PTPN14: variants seen among roughly 807,000 people sequenced by gnomAD.
PTPN14 encodes the protein protein tyrosine phosphatase non-receptor type 14.
Under a neutral mutation model 126.8 loss-of-function variants are expected in PTPN14, and 53 were observed. The observed-to-expected ratio is 0.42, with a 90% CI of 0.34 to 0.53. The LOEUF is 0.53. PTPN14 is among the 20% of genes least tolerant of loss of function. PTPN14 has a pLI of 0.08. For missense variants in PTPN14, 1,257 were observed against 1,552.9 expected (o/e 0.81, Z 3.20); for synonymous variants, 630 against 599.3 (o/e 1.05, Z -0.75).
At chr1:214,424,313 T>G (rs1330388247) in intron 3 of PTPN14, among the ~76,000 whole-genome samples, 1 of 146,770 alleles carries the variant, frequency 6.8e-6, no homozygotes. Context: ...AAAATCAGAG[T>G]ACCACACAAG....
rs141647748 is a variant in PTPN14, at chr1:214,535,454, A to G, written c.-155+15729T>C. The stretch of plus-strand genomic sequence containing the variant: ...GTCAGATTATAAAGAAGGCAACTGT[A>G]AAAAACAGACAAAAGCAAGAGTTAG... On this transcript the variant is annotated intron_variant, in intron 1 of 18. Coordinates refer to ENST00000366956, the MANE Select transcript of PTPN14 (RefSeq NM_005401.5). Among the ~76,000 whole-genome samples the G allele has an allele frequency of 4.0e-4, 61 of 152,322 alleles. 1 individual carries two copies. Among genetic ancestry groups the G allele is most frequent in the African/African-American group, 1.4e-3 (58 of 41,580 alleles).
At chr1:214,410,819 T>C (rs1220090707) in intron 5 of PTPN14, among the ~76,000 whole-genome samples, 2 of 151,930 alleles carry the variant, frequency 1.3e-5, no homozygotes, top group Non-Finnish European at 2.9e-5. Flanking sequence ...ATTGTGCCTA[T>C]TTTTTTGCTA....
At chr1:214,526,791 G>A (rs780352768) in intron 1 of PTPN14, among the ~76,000 whole-genome samples, 20 of 152,110 alleles carry the variant, frequency 1.3e-4, no homozygotes, top group Non-Finnish European at 2.8e-4. Flanking sequence ...AAGTCATGAA[G>A]TGGTAAAGAG....
intron 1 of PTPN14, among the ~76,000 whole-genome samples, chr1:214,538,947 C>G (rs750640535): frequency 6.6e-6 from 1 of 152,124 alleles, no homozygotes. Flanking sequence ...AAACTAAATG[C>G]CTACTGCTCT....
At chr1:214,433,065 G>A (rs1170091402) in intron 3 of PTPN14, among the ~76,000 whole-genome samples, 14 of 152,038 alleles carry the variant, frequency 9.2e-5, no homozygotes, top group African/African-American at 2.7e-4. Flanking sequence ...CACCACGCCC[G>A]GCTATTTTTT....
chr1:214,509,908 T>C (rs891943160), intron 1 of PTPN14, among the ~76,000 whole-genome samples: 6 of 152,206 alleles, frequency 3.9e-5, no homozygotes, highest in Admixed American at 2.0e-4. Context: ...AAACACCACA[T>C]GTTCTCACTC....
intron 1 of PTPN14, among the ~76,000 whole-genome samples, chr1:214,537,859 T>C (rs534284060): frequency 3.5e-4 from 54 of 152,348 alleles, no homozygotes; most frequent in African/African-American, 1.3e-3. Flanking sequence ...TTGATTCCCT[T>C]GTAGTCACAT....
At chr1:214,535,605 C>T (rs533967839) in intron 1 of PTPN14, among the ~76,000 whole-genome samples, 86 of 152,186 alleles carry the variant, frequency 5.7e-4, no homozygotes, top group African/African-American at 1.9e-3. Context: ...TAGTGAAACC[C>T]CATCTCTACT....
At chr1:214,429,300 T>C (rs1368643365) in intron 3 of PTPN14, among the ~76,000 whole-genome samples, 1 of 152,232 alleles carries the variant, frequency 6.6e-6, no homozygotes, top group African/African-American at 2.4e-5. Flanking sequence ...TCTATATGTT[T>C]ATTATCTTCT....
intron 1 of PTPN14, among the ~76,000 whole-genome samples, chr1:214,512,698 G>GT (rs1245385808): frequency 2.0e-5 from 3 of 152,024 alleles, no homozygotes; most frequent in South Asian, 2.1e-4. Flanking sequence ...AAAAAAATAC[G>GT]TATTATTTTT....
At chr1:214,424,200 G>A (rs2102597720) in intron 3 of PTPN14, among the ~76,000 whole-genome samples, 1 of 151,364 alleles carries the variant, frequency 6.6e-6, no homozygotes, top group South Asian at 2.1e-4. Context: ...GGAGGCTGAG[G>A]CAGAGAATTG....
chr1:214,531,289 G>C (rs1655539712), intron 1 of PTPN14: 1 of 152,048 alleles, frequency 6.6e-6, no homozygotes, highest in Admixed American at 6.6e-5. Context: ...ACATCAACTT[G>C]CTTCTCCCAC....
chr1:214,542,130 T>C (rs927886983), intron 1 of PTPN14, among the ~76,000 whole-genome samples: 23 of 152,074 alleles, frequency 1.5e-4, no homozygotes, highest in African/African-American at 5.6e-4. Context: ...TGTATGTATG[T>C]TATATGTACA....
intron 1 of PTPN14, among the ~76,000 whole-genome samples, chr1:214,538,509 G>A (rs1428309175): frequency 2.0e-5 from 3 of 152,202 alleles, no homozygotes; most frequent in South Asian, 2.1e-4. Flanking sequence ...GGGGAAAACC[G>A]ATGAAGAGAA....
chr1:214,541,244 T>C (rs1655827765), intron 1 of PTPN14, among the ~76,000 whole-genome samples: 1 of 152,054 alleles, frequency 6.6e-6, no homozygotes, highest in East Asian at 1.9e-4. Flanking sequence ...TGTGATCAGA[T>C]GTAAAAAAGA....
chr1:214,474,516 C>T (rs1012088889), intron 1 of PTPN14, among the ~76,000 whole-genome samples: 2 of 152,160 alleles, frequency 1.3e-5, no homozygotes, highest in African/African-American at 4.8e-5. Context: ...AACATACACA[C>T]TCCACAGCAT....
chr1:214,368,263 C>T (rs1444570919), intron 17 of PTPN14, among the ~76,000 whole-genome samples: 1 of 147,878 alleles, frequency 6.8e-6, no homozygotes, highest in Non-Finnish European at 1.5e-5. Flanking sequence ...GACTGAAGTG[C>T]AATGATGCAA....
chr1:214,534,920 C>T (rs114297722), intron 1 of PTPN14, among the ~76,000 whole-genome samples: 4,401 of 152,068 alleles, frequency 0.029, 103 homozygotes, highest in Non-Finnish European at 0.043. Context: ...TATTCACCAT[C>T]CCCTCGCACA....
At chr1:214,486,398 T>G (rs986399961) in intron 1 of PTPN14, among the ~76,000 whole-genome samples, 1 of 152,222 alleles carries the variant, frequency 6.6e-6, no homozygotes, top group Non-Finnish European at 1.5e-5. Flanking sequence ...GTCTCCCATC[T>G]TCCAGAATAT....
Sources: gnomAD v4.1 joint callset for allele counts (sites outside exome capture counted in the v4.1 genomes callset) on GRCh38, gnomAD v4.1.1 for gene constraint, MANE v1.5 for transcripts, NCBI Gene and HGNC (gene_info 2026-07-23, HGNC 2026-07-21) for gene names.